CPNE4: variants seen among roughly 807,000 people sequenced by gnomAD.
CPNE4 encodes copine-4.
Under a neutral mutation model 67.9 loss-of-function variants are expected in CPNE4, and 25 were observed. That is an observed-to-expected ratio of 0.37 (90% CI 0.27 to 0.51). The LOEUF is 0.51. CPNE4 is among the 20% of genes least tolerant of loss of function. The pLI, the probability that CPNE4 is intolerant of heterozygous loss-of-function variation, is 0.93. For missense variants in CPNE4, 464 were observed against 690.8 expected (o/e 0.67, Z 3.68); for synonymous variants, 242 against 244.9 (o/e 0.99, Z 0.11).
intron 6 of CPNE4, among the ~76,000 whole-genome samples, chr3:131,671,459 A>ATGTATG (rs1491205483): frequency 8.4e-5 from 11 of 131,254 alleles, no homozygotes; most frequent in African/African-American, 2.4e-4. Flanking sequence ...GAGTGTACAC[A>ATGTATG]TGTGTGTGTG....
chr3:131,537,209 T>C (rs1193190235), intron 15 of CPNE4, among the ~76,000 whole-genome samples: 1 of 152,008 alleles, frequency 6.6e-6, no homozygotes, highest in East Asian at 1.9e-4. Flanking sequence ...AGGAGTAGTA[T>C]TTCGGAACTC....
chr3:132,012,607 G>GCCT (rs1193796460), intron 1 of CPNE4, among the ~76,000 whole-genome samples: 2 of 152,146 alleles, frequency 1.3e-5, no homozygotes, highest in Non-Finnish European at 2.9e-5. Context: ...CCACCAAGAG[G>GCCT]CTCCTGGGCA....
At chr3:131,842,745 A>G (rs540906747) in intron 2 of CPNE4, among the ~76,000 whole-genome samples, 82 of 150,854 alleles carry the variant, frequency 5.4e-4, no homozygotes, top group African/African-American at 7.3e-4. Flanking sequence ...AAAAAAAAAA[A>G]AAAAGAAAAA....
intron 4 of CPNE4, among the ~76,000 whole-genome samples, chr3:131,697,188 T>C (rs1468497723): frequency 6.6e-6 from 1 of 152,144 alleles, no homozygotes; most frequent in African/African-American, 2.4e-5. Context: ...AGTGAAGAAA[T>C]TACTGTCCAA....
At chr3:131,644,753 C>T (rs1352964137) in intron 7 of CPNE4, among the ~76,000 whole-genome samples, 1 of 152,122 alleles carries the variant, frequency 6.6e-6, no homozygotes, top group Non-Finnish European at 1.5e-5. Context: ...TGGAAAAGGT[C>T]TAAGAATGCT....
rs763543850 is a variant in CPNE4 at position 131,546,698 on chromosome 3, G to C, written c.1302+3249C>G. On this transcript the variant is annotated intron_variant, in intron 14 of 15. Coordinates refer to ENST00000429747, the MANE Select transcript of CPNE4 (RefSeq NM_130808.3). ...TGAGTGATGGCCAAAAACTCATGCT[G>C]TTCTATATCAGCCTGAAATCCAGAC... 2.6e-5 allele frequency among the ~76,000 whole-genome samples: 4 copies of C among 152,278 alleles called. No homozygotes were observed. The East Asian group carries it at 7.7e-4, about 29-fold the overall frequency.
intron 7 of CPNE4, among the ~76,000 whole-genome samples, chr3:131,641,786 A>T (rs1326623979): frequency 1.3e-5 from 2 of 152,208 alleles, no homozygotes; most frequent in South Asian, 2.1e-4. Flanking sequence ...CCAGTGGATA[A>T]ATTGTGGTAT....
At chr3:131,839,264 T>A (rs990537919) in intron 2 of CPNE4, among the ~76,000 whole-genome samples, 9 of 151,860 alleles carry the variant, frequency 5.9e-5, no homozygotes, top group Non-Finnish European at 1.3e-4. Context: ...ACCTACATTA[T>A]AGAGAATAAG....
chr3:131,643,021 AGAAGACAG>A (rs1560034649), intron 7 of CPNE4, among the ~76,000 whole-genome samples: 1 of 152,210 alleles, frequency 6.6e-6, no homozygotes, highest in Non-Finnish European at 1.5e-5. Flanking sequence ...AGGGCTCAGA[AGAAGACAG>A]GAAGATGTGA....
intron 1 of CPNE4, among the ~76,000 whole-genome samples, chr3:131,977,231 A>G (rs1452465023): frequency 6.6e-6 from 1 of 152,184 alleles, no homozygotes; most frequent in African/African-American, 2.4e-5. Flanking sequence ...TTGGAGCTAA[A>G]GGGTAAAGGA....
chr3:131,727,069 C>T (rs577696742), intron 2 of CPNE4, among the ~76,000 whole-genome samples: 1 of 152,256 alleles, frequency 6.6e-6, no homozygotes, highest in South Asian at 2.1e-4. Context: ...TTATGGCTAT[C>T]ATGTGATATA....
intron 1 of CPNE4, among the ~76,000 whole-genome samples, chr3:132,028,538 G>C (rs1393926222): frequency 2.0e-5 from 3 of 152,198 alleles, no homozygotes; most frequent in Admixed American, 6.5e-5. Flanking sequence ...GAAGGGATAA[G>C]AGATGGGAGA....
At chr3:132,039,545 G>A (rs1030473559), upstream of CPNE4, 34 of 152,154 alleles carry the variant, frequency 2.2e-4, no homozygotes, top group African/African-American at 7.2e-4. Context: ...TTCTATTAAT[G>A]ACTGAAAAAG....
chr3:131,650,589 CA>C (rs1393304605), intron 7 of CPNE4, among the ~76,000 whole-genome samples: 1 of 148,236 alleles, frequency 6.7e-6, no homozygotes. Context: ...ACTAAAAATA[CA>C]AAAAATTAGC....
intron 6 of CPNE4, among the ~76,000 whole-genome samples, chr3:131,674,834 T>C (rs1190174873): frequency 6.6e-6 from 1 of 151,988 alleles, no homozygotes; most frequent in Non-Finnish European, 1.5e-5. Flanking sequence ...ATCATTATTA[T>C]TTAGTTTCTT....
chr3:131,645,036 A>T (rs2079630131), intron 7 of CPNE4, among the ~76,000 whole-genome samples: 1 of 152,248 alleles, frequency 6.6e-6, no homozygotes, highest in Admixed American at 6.5e-5. Flanking sequence ...TGGAGGTTCC[A>T]AACCATTGTT....
At chr3:131,812,139 C>A (rs2084554135) in intron 2 of CPNE4, among the ~76,000 whole-genome samples, 1 of 151,232 alleles carries the variant, frequency 6.6e-6, no homozygotes, top group African/African-American at 2.4e-5. Context: ...TCAAAATCAT[C>A]CAGGATTGCA....
chr3:131,593,498 T>C (rs889243969), intron 7 of CPNE4, among the ~76,000 whole-genome samples: 6 of 152,232 alleles, frequency 3.9e-5, no homozygotes. Flanking sequence ...CTAATTCTTA[T>C]ATATTGATTT....
chr3:131,666,336 G>T (rs1345017385), intron 7 of CPNE4, among the ~76,000 whole-genome samples: 1 of 151,766 alleles, frequency 6.6e-6, no homozygotes, highest in Non-Finnish European at 1.5e-5. Context: ...CTGTTCCATG[G>T]GCTATAGGTC....
Sources: allele counts gnomAD v4.1 joint callset (sites outside exome capture counted in the v4.1 genomes callset), GRCh38; gene constraint gnomAD v4.1.1; transcripts MANE v1.5; gene names NCBI Gene and HGNC (gene_info 2026-07-23, HGNC 2026-07-21).